Variants in MACROH2A1 observed in about 807,000 individuals in gnomAD.
MACROH2A1 encodes the protein core histone macro-H2A.1.
Under a neutral mutation model 31.6 loss-of-function variants are expected in MACROH2A1, and 2 were observed. That is an observed-to-expected ratio of 0.06 (90% CI 0.03 to 0.20). MACROH2A1 has a LOEUF of 0.20. MACROH2A1 is among the 10% of genes least tolerant of loss of function. The pLI is 1.00. For missense variants in MACROH2A1, 230 were observed against 474.0 expected (o/e 0.49, Z 4.78); for synonymous variants, 169 against 189.6 (o/e 0.89, Z 0.89).
In MACROH2A1 at chr5:135,371,359, A is replaced by G. The variant is rs1163678464; in HGVS notation, c.173-1217T>C. Among the ~76,000 whole-genome samples, 10 of 152,256 alleles carry G rather than the reference A, an allele frequency of 6.6e-5. No homozygotes were observed. In the East Asian group the frequency reaches 1.7e-3, roughly 26 times the overall value. ...ATTTTAAAAGTTCTTAACACAAGGA[A>G]ACAAATATGTAAGGTGATGAAATCA... On this transcript the variant is annotated intron_variant, in intron 2 of 8. Transcript: ENST00000511689.
intron 2 of MACROH2A1, among the ~76,000 whole-genome samples, chr5:135,377,078 C>T (rs1462456926): frequency 1.3e-5 from 2 of 152,232 alleles, no homozygotes; most frequent in East Asian, 1.9e-4. Flanking sequence ...CTTGATGGAA[C>T]ACAGCACCCA....
intron 2 of MACROH2A1, among the ~76,000 whole-genome samples, chr5:135,376,266 G>T (rs1302393855): frequency 6.6e-6 from 1 of 152,080 alleles, no homozygotes; most frequent in East Asian, 1.9e-4. Flanking sequence ...AGGAGCCAGG[G>T]GTCTCAGAGA....
rs573158795 is a variant in MACROH2A1 at position 135,343,375 on chromosome 5, C to T, written c.838G>A (p.Val280Ile). ...AKFVIHCNSPVWGADKCEELL... is the reference protein window; with the variant it reads ...AKFVIHCNSPIWGADKCEELL... ...TCTTCACACTTGTCTGCACCCCAAA[C>T]TGGACTATTACAGTGGATCACAAAC... The change falls in exon 8 of 9, where the codon GTT (valine) becomes ATT (isoleucine). Residue 280 changes from valine (V) to isoleucine (I), a missense_variant. Val to Ile is a conservative substitution (Grantham distance 29). Transcript: ENST00000511689. 1 of 1,614,146 alleles carries T rather than the reference C, an allele frequency of 6.2e-7. No homozygotes were observed. The highest frequency in any genetic ancestry group is 8.5e-7 in the Non-Finnish European group (1 of 1,180,050).
At chr5:135,344,885 C>A (rs1254390014) in intron 7 of MACROH2A1, 1 of 152,226 alleles carries the variant, frequency 6.6e-6, no homozygotes, top group African/African-American at 2.4e-5. Context: ...GGCTGCCTAC[C>A]AGGCCTTGTG....
At chr5:135,373,977 G>A (rs1764519521) in intron 2 of MACROH2A1, among the ~76,000 whole-genome samples, 1 of 152,144 alleles carries the variant, frequency 6.6e-6, no homozygotes, top group African/African-American at 2.4e-5. Flanking sequence ...ACACAAGACA[G>A]AGCACCTCAG....
At chr5:135,390,104 C>T (rs559685288) in intron 1 of MACROH2A1, among the ~76,000 whole-genome samples, 3 of 152,362 alleles carry the variant, frequency 2.0e-5, no homozygotes, top group South Asian at 4.1e-4. Context: ...GGGAGCCACA[C>T]AAGGTTCCCC....
At chr5:135,383,294 A>G (rs1045643947) in intron 2 of MACROH2A1, among the ~76,000 whole-genome samples, 1 of 152,214 alleles carries the variant, frequency 6.6e-6, no homozygotes, top group African/African-American at 2.4e-5. Flanking sequence ...ATGCACTGTG[A>G]TGTTTCTGTG....
chr5:135,392,054 A>G (rs1356233674), intron 1 of MACROH2A1, among the ~76,000 whole-genome samples: 2 of 152,080 alleles, frequency 1.3e-5, no homozygotes, highest in Admixed American at 6.5e-5. Context: ...AGCCTGTCAC[A>G]CTGTGTTAAG....
rs1763913424 is a variant in MACROH2A1 at position 135,369,399 on chromosome 5, C to G, written c.477+7G>C. 2.5e-6 allele frequency: 4 copies of G among 1,612,462 alleles called. No homozygotes were observed. The highest frequency in any genetic ancestry group is 3.4e-6 in the Non-Finnish European group (4 of 1,178,502). ...CCCACTTCATACATTCTGGCCAAAT[C>G]ACATACCTTGGATTTCCGGGCCCCT... On this transcript the variant is annotated splice_region_variant and intron_variant, in intron 4 of 8. Transcript: ENST00000511689. The surrounding 1 kb of genome is among the most constrained non-coding windows in gnomAD (Gnocchi z 4.3).
rs1758384164 is a variant in MACROH2A1 at position 135,334,778 on chromosome 5, G to A, written c.*198C>T. The stretch of plus-strand genomic sequence containing the variant: ...GAACACAGTGCTTAACAACAGTAAT[G>A]CCAACTATCAGTGCTAACATAAAAA... On this transcript the variant is annotated 3_prime_UTR_variant, in exon 9 of 9. Coordinates refer to ENST00000511689, the MANE Select transcript of MACROH2A1 (RefSeq NM_138610.3). 1 of 548,960 alleles carries A rather than the reference G, an allele frequency of 1.8e-6. No homozygotes were observed. Among genetic ancestry groups the A allele is most frequent in the Admixed American group, 3.2e-5 (1 of 30,890 alleles). 34.0% of individuals were successfully genotyped at this position (548,960 alleles called of 1,614,324 possible).
intron 2 of MACROH2A1, among the ~76,000 whole-genome samples, chr5:135,379,425 T>C (rs1311019605): frequency 1.3e-5 from 2 of 152,170 alleles, no homozygotes; most frequent in African/African-American, 4.8e-5. Context: ...TGGAGCAGCC[T>C]GGCAAACCCA....
At chr5:135,392,830 C>T (rs1020427557) in intron 1 of MACROH2A1, among the ~76,000 whole-genome samples, 4 of 152,190 alleles carry the variant, frequency 2.6e-5, no homozygotes, top group Non-Finnish European at 4.4e-5. Context: ...AGTGATTTAA[C>T]CCCTCTGAAC....
intron 2 of MACROH2A1, among the ~76,000 whole-genome samples, chr5:135,385,170 G>A (rs1360430391): frequency 6.6e-6 from 1 of 152,236 alleles, no homozygotes; most frequent in East Asian, 1.9e-4. Context: ...CATGCCAGGT[G>A]TTGGGCTTGA....
At chr5:135,357,944 C>T (rs1762374784) in intron 5 of MACROH2A1, 1 of 985,268 alleles carries the variant, frequency 1.0e-6, no homozygotes, top group Non-Finnish European at 1.2e-6. Flanking sequence ...CTTTCTCCAC[C>T]CCAGCTTGCT....
Position 135,354,385 on chromosome 5 carries a change from T to A in MACROH2A1, c.589-1340A>T, listed in dbSNP as rs143516532. The A allele has an allele frequency of 2.6e-5, 4 of 152,414 alleles. No homozygotes were observed. In the East Asian group the frequency reaches 7.7e-4, roughly 29 times the overall value. The allele number at this position is 152,414 out of a possible 1,614,324, so 9.4% of individuals were successfully genotyped here. On this transcript the variant is annotated intron_variant, in intron 5 of 8. Transcript: ENST00000511689. ...TGTGCTTACACTAAGAGTCATCCTCTGGGAGGAAACAGTTGTGGAATTAAG... is the reference window on the plus strand; with the variant it reads ...TGTGCTTACACTAAGAGTCATCCTCAGGGAGGAAACAGTTGTGGAATTAAG...
intron 8 of MACROH2A1, among the ~76,000 whole-genome samples, chr5:135,340,823 T>TACTC (rs1759707474): frequency 6.6e-6 from 1 of 152,254 alleles, no homozygotes; most frequent in Non-Finnish European, 1.5e-5. Flanking sequence ...CATTTTTTTT[T>TACTC]ACTCATGAAA....
chr5:135,385,780 C>T (rs190430637), intron 2 of MACROH2A1, among the ~76,000 whole-genome samples: 62 of 152,352 alleles, frequency 4.1e-4, no homozygotes, highest in Admixed American at 3.7e-3. Flanking sequence ...AGCCCCCAAG[C>T]AGCCTGGGCC....
chr5:135,353,912 A>AG (rs1761881677), intron 5 of MACROH2A1: 1 of 152,238 alleles, frequency 6.6e-6, no homozygotes, highest in African/African-American at 2.4e-5. Context: ...CAGAGGGGCA[A>AG]GGGGAATTAA....
At chr5:135,362,039 A>T (rs1365010479) in intron 4 of MACROH2A1, 1 of 152,216 alleles carries the variant, frequency 6.6e-6, no homozygotes, top group Non-Finnish European at 1.5e-5. Context: ...TGAAAGAGAA[A>T]CAGGTATAAT....
Sources: gnomAD v4.1 joint callset for allele counts (sites outside exome capture counted in the v4.1 genomes callset) on GRCh38, gnomAD v4.1.1 for gene constraint, Gnocchi (gnomAD v3.1) non-coding constraint, MANE v1.5 for transcripts, NCBI Gene and HGNC (gene_info 2026-07-23, HGNC 2026-07-21) for gene names.